The following TANC1 variants were observed in gnomAD, a reference collection of about 807,000 sequenced individuals.
TANC1 encodes the protein protein TANC1.
In TANC1, 77 loss-of-function variants were observed where a neutral mutation model predicts 149.7. The ratio of observed to expected loss-of-function variants is 0.51; its 90% CI spans 0.43 to 0.62. The LOEUF is 0.62. Ranked by LOEUF, TANC1 falls within the 20% of genes least tolerant of loss-of-function variation. The pLI is 0.00. For missense variants in TANC1, 1,985 were observed against 2,321.8 expected (o/e 0.85, Z 2.98); for synonymous variants, 854 against 925.0 (o/e 0.92, Z 1.39).
intron 3 of TANC1, among the ~76,000 whole-genome samples, chr2:159,087,200 G>C (rs1048788059): frequency 6.6e-6 from 1 of 152,140 alleles, no homozygotes; most frequent in African/African-American, 2.4e-5. Context: ...TGAGTGAAGT[G>C]CTGGAAGGCC....
At chr2:159,174,333 T>C (rs1405299539) in intron 11 of TANC1, among the ~76,000 whole-genome samples, 1 of 152,116 alleles carries the variant, frequency 6.6e-6, no homozygotes, top group African/African-American at 2.4e-5. Context: ...CTCCAACTTA[T>C]CTCTCCACAC....
intron 4 of TANC1, among the ~76,000 whole-genome samples, chr2:159,116,443 AACAACAACAAC>A (rs1447151742): frequency 7.2e-6 from 1 of 138,840 alleles, no homozygotes; most frequent in African/African-American, 2.9e-5. Context: ...CAACAACAAC[AACAACAACAAC>A]AAAAAAAAAA....
intron 2 of TANC1, among the ~76,000 whole-genome samples, chr2:159,033,693 C>T (rs541326899): frequency 6.6e-6 from 1 of 152,280 alleles, no homozygotes; most frequent in African/African-American, 2.4e-5. Context: ...ATGGGAGTGA[C>T]AATAGGGTTA....
Position 159,150,515 on chromosome 2 carries a change from G to C in TANC1, c.641G>C (p.Ser214Thr), listed in dbSNP as rs1375374160. The change falls in exon 7 of 27, where the codon AGC (serine) becomes ACC (threonine). Residue 214 changes from serine to threonine, a missense_variant. Ser to Thr is a moderately conservative substitution (Grantham distance 58). Around this residue, in one of 3 missense-constraint regions of TANC1, gnomAD observed 557 missense variants for 612.9 expected, o/e 0.91. Transcript: ENST00000263635. ...AAAAGTCCCTGTGAGACCATTAGCA[G>C]CCCTAGTTCCACCCTGGAAAGCAAG... Reference protein sequence around the residue: ...ANKSPCETISSPSSTLESKDS... With the variant: ...ANKSPCETISTPSSTLESKDS... The C allele has an allele frequency of 6.2e-7, 1 of 1,614,000 alleles. No homozygotes were observed. The highest frequency in any genetic ancestry group is 8.5e-7 in the Non-Finnish European group (1 of 1,180,008).
At chr2:159,181,980 C>A (rs2150568920) in intron 14 of TANC1, among the ~76,000 whole-genome samples, 1 of 152,172 alleles carries the variant, frequency 6.6e-6, no homozygotes, top group South Asian at 2.1e-4. Flanking sequence ...ATGGGTGGAT[C>A]ACCTGAGGTC....
chr2:159,161,790 C>T (rs1362265708), intron 7 of TANC1, among the ~76,000 whole-genome samples: 1 of 152,340 alleles, frequency 6.6e-6, no homozygotes, highest in Admixed American at 6.5e-5. Context: ...GGAATCATAA[C>T]GATGGGCACC....
chr2:159,014,644 T>A (rs1056665924), intron 2 of TANC1, among the ~76,000 whole-genome samples: 6 of 152,194 alleles, frequency 3.9e-5, no homozygotes, highest in African/African-American at 1.4e-4. Context: ...CCCTTCCACC[T>A]ATGAGCCTAT....
rs2059424707 is a variant in TANC1 at position 159,217,556 on chromosome 2, G to A, written c.3304G>A (p.Gly1102Arg). ...GGTCTGTGAGCTGCTGCTGGGGCAT[G>A]GAGCTGCTGTGTCGCGGACAAACAG... ...LEVCELLLGH[G>R]AAVSRTNRRG... The change falls in exon 20 of 27, where the codon GGA (glycine) becomes AGA (arginine). Residue 1102 changes from glycine (G) to arginine (R), a missense_variant. Gly to Arg is a moderately radical substitution (Grantham distance 125). Around this residue, in one of 3 missense-constraint regions of TANC1, gnomAD observed 920 missense variants for 994.7 expected, o/e 0.92. Coordinates refer to ENST00000263635, the MANE Select transcript of TANC1 (RefSeq NM_033394.3). The A allele has an allele frequency of 1.2e-6, 2 of 1,614,274 alleles. No homozygotes were observed. The highest frequency in any genetic ancestry group is 8.5e-7 in the Non-Finnish European group (1 of 1,180,044).
At chr2:159,217,271 A>G (rs1419431059) in intron 19 of TANC1, among the ~76,000 whole-genome samples, 1 of 152,130 alleles carries the variant, frequency 6.6e-6, no homozygotes, top group African/African-American at 2.4e-5. Flanking sequence ...AAGAGTGTTC[A>G]AGGAAGTGCA....
chr2:159,081,715 G>A (rs2149793476), intron 3 of TANC1, among the ~76,000 whole-genome samples: 1 of 152,286 alleles, frequency 6.6e-6, no homozygotes, highest in African/African-American at 2.4e-5. Flanking sequence ...GTAAGTGAAA[G>A]GCTTTGGCTT....
intron 1 of TANC1, among the ~76,000 whole-genome samples, chr2:158,970,021 ACT>A (rs1227203077): frequency 2.0e-5 from 3 of 152,030 alleles, no homozygotes; most frequent in African/African-American, 7.3e-5. Flanking sequence ...TGGACCGCAA[ACT>A]CTGGCTGGCG....
intron 2 of TANC1, among the ~76,000 whole-genome samples, chr2:159,050,498 G>A (rs1412799459): frequency 6.6e-6 from 1 of 152,172 alleles, no homozygotes; most frequent in Non-Finnish European, 1.5e-5. Context: ...CATTTTATCT[G>A]GAAATCCAAG....
At chr2:159,068,582 T>C (rs2149708452) in intron 3 of TANC1, among the ~76,000 whole-genome samples, 1 of 152,320 alleles carries the variant, frequency 6.6e-6, no homozygotes, top group East Asian at 1.9e-4. Context: ...GGAAACCAAA[T>C]ATTTTTCAGA....
chr2:159,055,346 T>TATCC (rs2149617388), intron 2 of TANC1, among the ~76,000 whole-genome samples: 1 of 152,332 alleles, frequency 6.6e-6, no homozygotes, highest in African/African-American at 2.4e-5. Context: ...GTGATGCTGG[T>TATCC]ATCCATAACT....
At chr2:159,218,672 A>C (rs885640) in intron 20 of TANC1, among the ~76,000 whole-genome samples, 1 of 152,110 alleles carries the variant, frequency 6.6e-6, no homozygotes, top group Admixed American at 6.5e-5. Flanking sequence ...ATGACTATGC[A>C]TGGTTGAAAG....
At chr2:159,108,871 A>G (rs2047444366) in intron 4 of TANC1, among the ~76,000 whole-genome samples, 1 of 152,166 alleles carries the variant, frequency 6.6e-6, no homozygotes, top group African/African-American at 2.4e-5. Flanking sequence ...AAACTTCATT[A>G]TTAGGGTCTG....
At chr2:159,110,882 G>A (rs946530126) in intron 4 of TANC1, among the ~76,000 whole-genome samples, 5 of 152,162 alleles carry the variant, frequency 3.3e-5, no homozygotes, top group East Asian at 1.9e-4. Context: ...AGCATGTGTC[G>A]TCTTGACATG....
chr2:159,035,963 C>T (rs538521852), intron 2 of TANC1, among the ~76,000 whole-genome samples: 1 of 152,182 alleles, frequency 6.6e-6, no homozygotes, highest in Non-Finnish European at 1.5e-5. Flanking sequence ...GTCCTCCGGA[C>T]AGAGGGTCTG....
At chr2:159,081,093 A>G (rs2044229564) in intron 3 of TANC1, among the ~76,000 whole-genome samples, 1 of 152,206 alleles carries the variant, frequency 6.6e-6, no homozygotes, top group African/African-American at 2.4e-5. Flanking sequence ...AGTCCATAGC[A>G]TGGCCTTATA....
Sources: allele counts gnomAD v4.1 joint callset (sites outside exome capture counted in the v4.1 genomes callset), GRCh38; gene constraint gnomAD v4.1.1; regional missense constraint gnomAD v4.1.1; transcripts MANE v1.5; gene names NCBI Gene and HGNC (gene_info 2026-07-23, HGNC 2026-07-21).